TMCC1: variants seen among roughly 807,000 people sequenced by gnomAD.
TMCC1 encodes transmembrane and coiled-coil domains protein 1.
In TMCC1, 15 loss-of-function variants were observed where a neutral mutation model predicts 52.4. The ratio of observed to expected loss-of-function variants is 0.29; its 90% CI spans 0.19 to 0.44. The LOEUF (loss-of-function observed/expected upper bound fraction) is 0.44. Among genes scored for constraint, TMCC1 ranks in the 20% least tolerant of loss-of-function variants. The pLI, the probability that TMCC1 is intolerant of heterozygous loss-of-function variation, is 1.00. For synonymous variants in TMCC1, 279 were observed against 301.9 expected (o/e 0.92, Z 0.79); for missense variants, 503 against 806.0 (o/e 0.62, Z 4.55).
intron 5 of TMCC1, among the ~76,000 whole-genome samples, chr3:129,667,509 G>A (rs1022336708): frequency 2.6e-5 from 4 of 152,072 alleles, no homozygotes; most frequent in African/African-American, 7.2e-5. Context: ...AACAAAACAA[G>A]TCAGATTACG....
chr3:129,795,466 T>TC (rs1383121505), intron 4 of TMCC1, among the ~76,000 whole-genome samples: 3 of 8,870 alleles, frequency 3.4e-4, no homozygotes, highest in Admixed American at 2.0e-3. Context: ...TATATTTTTT[T>TC]TCCCTGTTCC....
At chr3:129,792,689 C>T (rs570123438) in intron 4 of TMCC1, among the ~76,000 whole-genome samples, 1 of 152,202 alleles carries the variant, frequency 6.6e-6, no homozygotes, top group East Asian at 1.9e-4. Flanking sequence ...TCTGATAGAA[C>T]AGTAAATCTG....
At chr3:129,669,173 G>C (rs1210726890) in intron 5 of TMCC1, among the ~76,000 whole-genome samples, 1 of 152,126 alleles carries the variant, frequency 6.6e-6, no homozygotes, top group Non-Finnish European at 1.5e-5. Flanking sequence ...ATTTGTTTCA[G>C]ACCCTAAGAT....
chr3:129,704,145 C>T (rs562979618), intron 4 of TMCC1, among the ~76,000 whole-genome samples: 3 of 152,058 alleles, frequency 2.0e-5, no homozygotes, highest in Non-Finnish European at 4.4e-5. Flanking sequence ...AATGATGATG[C>T]AATTCAAACA....
intron 4 of TMCC1, among the ~76,000 whole-genome samples, chr3:129,720,329 TA>T: frequency 6.6e-6 from 1 of 152,286 alleles, no homozygotes; most frequent in South Asian, 2.1e-4. Flanking sequence ...AGCAGAGGCT[TA>T]AAAAGTATTT....
chr3:129,839,059 T>C (rs1304320504), intron 2 of TMCC1, among the ~76,000 whole-genome samples: 1 of 152,022 alleles, frequency 6.6e-6, no homozygotes, highest in African/African-American at 2.4e-5. Flanking sequence ...AGGAGACCCA[T>C]CCTATAAGAA....
At chr3:129,779,863 T>C (rs1047818785) in intron 4 of TMCC1, among the ~76,000 whole-genome samples, 3 of 152,190 alleles carry the variant, frequency 2.0e-5, no homozygotes, top group Admixed American at 2.0e-4. Flanking sequence ...AATCTTGAGT[T>C]ATCAATTACT....
At chr3:129,855,318 T>A (rs927146733) in intron 2 of TMCC1, among the ~76,000 whole-genome samples, 4 of 152,206 alleles carry the variant, frequency 2.6e-5, no homozygotes, top group African/African-American at 9.6e-5. Context: ...TTTTTCTTAA[T>A]ACCTCGTTTT....
chr3:129,666,293 A>G (rs2108875257), intron 5 of TMCC1, among the ~76,000 whole-genome samples: 1 of 152,350 alleles, frequency 6.6e-6, no homozygotes, highest in South Asian at 2.1e-4. Context: ...AGAGGCACAT[A>G]AATGGACAGC....
intron 4 of TMCC1, among the ~76,000 whole-genome samples, chr3:129,811,376 T>C (rs1434457673): frequency 2.0e-5 from 3 of 152,130 alleles, no homozygotes; most frequent in Non-Finnish European, 4.4e-5. Context: ...GTGATCCTCC[T>C]GCCTCAGCCT....
At chr3:129,840,757 C>T (rs561016695) in intron 2 of TMCC1, among the ~76,000 whole-genome samples, 27 of 152,218 alleles carry the variant, frequency 1.8e-4, no homozygotes, top group East Asian at 3.9e-4. Flanking sequence ...TCACCTTCTG[C>T]GATGATTTTA....
At chr3:129,862,149 C>T (rs1213878221) in intron 2 of TMCC1, among the ~76,000 whole-genome samples, 1 of 152,056 alleles carries the variant, frequency 6.6e-6, no homozygotes, top group African/African-American at 2.4e-5. Flanking sequence ...ATGAAGCATC[C>T]AGAATAGGCA....
At chr3:129,688,786 C>G in intron 4 of TMCC1, 1 of 977,796 alleles carries the variant, frequency 1.0e-6, no homozygotes, top group Non-Finnish European at 1.2e-6. Context: ...CCTCTCTTCT[C>G]CAGCTGTGAG....
At chr3:129,829,909 T>C (rs2058831573) in intron 3 of TMCC1, among the ~76,000 whole-genome samples, 1 of 152,218 alleles carries the variant, frequency 6.6e-6, no homozygotes, top group Non-Finnish European at 1.5e-5. Flanking sequence ...ATGGGCACTG[T>C]CATTGTGGCT....
At chr3:129,736,093 GA>G (rs1329882567) in intron 4 of TMCC1, among the ~76,000 whole-genome samples, 4 of 152,212 alleles carry the variant, frequency 2.6e-5, no homozygotes, top group Admixed American at 6.5e-5. Context: ...TGCTGGGTAA[GA>G]AAGTAGAGAA....
chr3:129,824,343 A>G (rs555276363), intron 4 of TMCC1, among the ~76,000 whole-genome samples: 1 of 151,680 alleles, frequency 6.6e-6, no homozygotes, highest in African/African-American at 2.4e-5. Context: ...GTCAAAAAAA[A>G]CCAACCAACC....
At chr3:129,692,812 T>C (rs974170621) in intron 4 of TMCC1, among the ~76,000 whole-genome samples, 1 of 152,198 alleles carries the variant, frequency 6.6e-6, no homozygotes, top group African/African-American at 2.4e-5. Context: ...AGTAACAGTT[T>C]GTTAAAGAAT....
At chr3:129,850,032 T>A (rs2059846580) in intron 2 of TMCC1, among the ~76,000 whole-genome samples, 1 of 152,136 alleles carries the variant, frequency 6.6e-6, no homozygotes, top group Admixed American at 6.5e-5. Flanking sequence ...CTGTTAGTAT[T>A]TTACCAACAT....
At chr3:129,859,569 C>T (rs746206992) in intron 2 of TMCC1, among the ~76,000 whole-genome samples, 6 of 151,566 alleles carry the variant, frequency 4.0e-5, no homozygotes, top group African/African-American at 1.2e-4. Flanking sequence ...CCTGGCAAGC[C>T]GAGGCTGCAG....
Sources: allele counts gnomAD v4.1 joint callset (sites outside exome capture counted in the v4.1 genomes callset), GRCh38; gene constraint gnomAD v4.1.1; transcripts MANE v1.5; gene names NCBI Gene and HGNC (gene_info 2026-07-23, HGNC 2026-07-21).